Variants in SMCR8 observed in about 807,000 individuals in gnomAD.
SMCR8 encodes the protein SMCR8-C9orf72 complex subunit.
In SMCR8, 30 loss-of-function variants were observed where a neutral mutation model predicts 56.6. That is an observed-to-expected ratio of 0.53 (90% confidence interval 0.40 to 0.72). SMCR8 has a LOEUF of 0.72. SMCR8 is among the 30% of genes least tolerant of loss of function. SMCR8 has a pLI of 0.00. For missense variants in SMCR8, 1,198 were observed against 1,157.0 expected (o/e 1.04, Z -0.51); for synonymous variants, 538 against 456.0 (o/e 1.18, Z -2.29).
chr17:18,319,918 A>G (rs1224239710), intron 1 of SMCR8, among the ~76,000 whole-genome samples: 2 of 152,062 alleles, frequency 1.3e-5, no homozygotes, highest in Non-Finnish European at 2.9e-5. Context: ...ACAGGGTTTC[A>G]CCATGTTGGC....
rs1380234892 is a variant in SMCR8, at chr17:18,315,747, C to T, written c.-43C>T. ...TCTGCGCGTCGATTAACACCGCATT[C>T]TTTCCCACTTCCTCTCAATGTTTTC... On this transcript the variant is annotated 5_prime_UTR_variant, in exon 1 of 2. Coordinates refer to ENST00000406438, the MANE Select transcript of SMCR8 (RefSeq NM_144775.3). 6.5e-6 allele frequency: 10 copies of T among 1,528,716 alleles called. No individual in the cohort carries two copies. Among genetic ancestry groups the T allele is most frequent in the Non-Finnish European group, 8.8e-6 (10 of 1,133,326 alleles). The allele number at this position is 1,528,716 out of a possible 1,614,324, so 94.7% of individuals were successfully genotyped here.
rs142575235 is a variant in SMCR8 at position 18,326,256 on chromosome 17, C to G, written c.*3186C>G. 6.6e-6 allele frequency: 1 copy of G among 152,326 alleles called. No individual in the cohort carries two copies. The highest frequency in any genetic ancestry group is 1.5e-5 in the Non-Finnish European group (1 of 68,044). 9.4% of individuals were successfully genotyped at this position (152,326 alleles called of 1,614,324 possible). A position where few individuals can be genotyped will look rare whatever the true frequency, so the allele number is the denominator to read the frequency against. On this transcript the variant is annotated 3_prime_UTR_variant, in exon 2 of 2. Transcript: ENST00000406438. ...CTTGAGTTTTGTGTCAGCTTTTTCT[C>G]CAGTCCATTATCCCCCTCCCTTGCT...
At chr17:18,318,946 C>T (rs1258154934) in intron 1 of SMCR8, among the ~76,000 whole-genome samples, 1 of 152,218 alleles carries the variant, frequency 6.6e-6, no homozygotes, top group Non-Finnish European at 1.5e-5. Context: ...GTGCTGGGAG[C>T]ATCTGCCTCC....
At chr17:18,319,948 C>G (rs916075489) in intron 1 of SMCR8, among the ~76,000 whole-genome samples, 40 of 152,154 alleles carry the variant, frequency 2.6e-4, no homozygotes, top group Non-Finnish European at 4.6e-4. Context: ...CTCAAATGAT[C>G]GGCCCACCTC....
rs755759471 is a variant in SMCR8 at position 18,318,066 on chromosome 17, C to T, written c.2277C>T (p.Cys759=). Residue 759 remains cysteine (C), a synonymous_variant, in exon 1 of 2, where the codon TGC becomes TGT. Coordinates refer to ENST00000406438, the MANE Select transcript of SMCR8 (RefSeq NM_144775.3). ...CTATCTTTGTCCCCAGCTATGGCTG[C>T]TACGCTAAGCCCGTGAAACATTGGG... ...ALAIFVPSYG[C]YAKPVKHWAS... The T allele has an allele frequency of 3.1e-6, 5 of 1,614,212 alleles. No homozygotes were observed. The Admixed American group carries it at 5.0e-5, about 16-fold the overall frequency.
At chr17:18,321,573 C>T (rs535689527) in intron 1 of SMCR8, among the ~76,000 whole-genome samples, 1 of 152,392 alleles carries the variant, frequency 6.6e-6, no homozygotes, top group South Asian at 2.1e-4. Context: ...TGTACAGTGG[C>T]TCATGCCTGT....
In SMCR8 at chr17:18,315,889, C is replaced by G; in HGVS notation, c.100C>G (p.Leu34Val). Residue 34 changes from leucine to valine, a missense_variant, in exon 1 of 2, where the codon CTC becomes GTC. Transcript: ENST00000406438. Reference sequence around the variant, plus strand: ...CCTGCCTGAGGAGTACTCGGTGCCGCTCTTCCCCTTCGCCAGTCAGGGTGC... The same window carrying G: ...CCTGCCTGAGGAGTACTCGGTGCCGGTCTTCCCCTTCGCCAGTCAGGGTGC... The part of the protein sequence containing the change: ...PALPEEYSVP[L>V]FPFASQGANP... The G allele has an allele frequency of 1.2e-6, 2 of 1,614,196 alleles. No individual in the cohort carries two copies. The highest frequency in any genetic ancestry group is 1.7e-6 in the Non-Finnish European group (2 of 1,180,020).
In SMCR8 at chr17:18,323,165, T is replaced by A. The variant is rs965318938; in HGVS notation, c.*95T>A. 7 of 1,125,592 alleles carry A rather than the reference T, an allele frequency of 6.2e-6. No homozygotes were observed. In the African/African-American group the frequency reaches 7.8e-5, roughly 13 times the overall value. 69.7% of individuals were successfully genotyped at this position (1,125,592 alleles called of 1,614,324 possible). A position where few individuals can be genotyped will look rare whatever the true frequency, so the allele number is the denominator to read the frequency against. The stretch of plus-strand genomic sequence containing the variant: ...AAACAGTTGCCTGAGCTGGACTGTT[T>A]AAGTTTCTGGTGTCTGGCAGCATGG... On this transcript the variant is annotated 3_prime_UTR_variant, in exon 2 of 2. Transcript: ENST00000406438.
Position 18,324,286 on chromosome 17 carries a change from T to G in SMCR8, c.*1216T>G, listed in dbSNP as rs1982586687. 1 of 152,202 alleles carries G rather than the reference T, an allele frequency of 6.6e-6. No individual in the cohort carries two copies. The highest frequency in any genetic ancestry group is 2.1e-4 in the South Asian group (1 of 4,822). The allele number at this position is 152,202 out of a possible 1,614,324, so 9.4% of individuals were successfully genotyped here. A position where few individuals can be genotyped will look rare whatever the true frequency, so the allele number is the denominator to read the frequency against. On this transcript the variant is annotated 3_prime_UTR_variant, in exon 2 of 2. Coordinates refer to ENST00000406438, the MANE Select transcript of SMCR8 (RefSeq NM_144775.3). ...ACGGCCGTCCCCAGTTGAGTCCCCC[T>G]TCTGAGGACAAGTTTGAAACTGGGA...
chr17:18,320,022 C>A (rs1313926788), intron 1 of SMCR8, among the ~76,000 whole-genome samples: 1 of 152,200 alleles, frequency 6.6e-6, no homozygotes, highest in Non-Finnish European at 1.5e-5. Flanking sequence ...AAGTGAACAC[C>A]AGGGGTCATC....
chr17:18,320,035 A>C (rs1011374864), intron 1 of SMCR8, among the ~76,000 whole-genome samples: 1 of 152,184 alleles, frequency 6.6e-6, no homozygotes, highest in Non-Finnish European at 1.5e-5. Context: ...GGGTCATCCT[A>C]TTGCTTACTA....
rs760687586 is a variant in SMCR8, at chr17:18,317,593, G to T, written c.1804G>T (p.Ala602Ser). The change falls in exon 1 of 2, where the codon GCC becomes TCC. Residue 602 changes from alanine (A) to serine (S), a missense_variant. Transcript: ENST00000406438. ...TCAGTTGGTGCTGCCCTCCACTCCA[G>T]CCCACACACACTCTGACGAGGATGG... ...DGQLVLPSTP[A>S]HTHSDEDGVV... 1.1e-5 allele frequency: 18 copies of T among 1,614,048 alleles called. No individual in the cohort carries two copies. The Admixed American group carries it at 3.0e-4, about 27-fold the overall frequency.
intron 1 of SMCR8, among the ~76,000 whole-genome samples, chr17:18,319,426 G>A (rs1406225189): frequency 6.6e-6 from 1 of 152,196 alleles, no homozygotes; most frequent in Non-Finnish European, 1.5e-5. Context: ...ATCACGAGCA[G>A]GAGAGATGTC....
chr17:18,315,828 G>A lies in SMCR8; in HGVS notation c.39G>A (p.Glu13=), dbSNP rs768967325. The part of the protein sequence containing the change: ...SAPDVVAFTK[E]EEYEEEPYNE... ...CTGACGTAGTGGCCTTCACCAAAGA[G>A]GAAGAGTATGAAGAAGAGCCTTACA... The change falls in exon 1 of 2, where the codon GAG becomes GAA. Residue 13 remains glutamate, a synonymous_variant. Coordinates refer to ENST00000406438, the MANE Select transcript of SMCR8 (RefSeq NM_144775.3). The A allele has an allele frequency of 1.2e-6, 2 of 1,605,886 alleles. No homozygotes were observed. Among genetic ancestry groups the A allele is most frequent in the East Asian group, 4.5e-5 (2 of 44,634 alleles).
At chr17:18,320,985 C>T (rs1567760128) in intron 1 of SMCR8, among the ~76,000 whole-genome samples, 1 of 152,176 alleles carries the variant, frequency 6.6e-6, no homozygotes, top group Non-Finnish European at 1.5e-5. Flanking sequence ...GTGCACATTT[C>T]TTTTTTTCTC....
At chr17:18,320,275 G>A (rs1209198050) in intron 1 of SMCR8, among the ~76,000 whole-genome samples, 6 of 152,214 alleles carry the variant, frequency 3.9e-5, no homozygotes, top group Non-Finnish European at 5.9e-5. Context: ...TTGGGGTGCC[G>A]TGCGCTTGGG....
intron 1 of SMCR8, among the ~76,000 whole-genome samples, 160 bp from the exon 2 acceptor site, chr17:18,322,457 C>G (rs901634165): frequency 7.2e-5 from 11 of 152,170 alleles, no homozygotes; most frequent in African/African-American, 2.7e-4. Context: ...GGTGAGGAGC[C>G]CTTTGAAGAT....
rs1330439315 is a variant in SMCR8 at position 18,326,471 on chromosome 17, G to A, written c.*3401G>A. On this transcript the variant is annotated 3_prime_UTR_variant, in exon 2 of 2. Transcript: ENST00000406438. ...GAACCTTGGGATTTTAGAAATTGTG[G>A]CTTTTCCATAACTCATTTACTCCAA... 1 of 152,200 alleles carries A rather than the reference G, an allele frequency of 6.6e-6. No homozygotes were observed. The highest frequency in any genetic ancestry group is 1.5e-5 in the Non-Finnish European group (1 of 68,046). The allele number at this position is 152,200 out of a possible 1,614,324, so 9.4% of individuals were successfully genotyped here.
Position 18,315,758 on chromosome 17 carries a change from C to T in SMCR8, c.-32C>T. On this transcript the variant is annotated 5_prime_UTR_variant, in exon 1 of 2. Transcript: ENST00000406438. The stretch of plus-strand genomic sequence containing the variant: ...ATTAACACCGCATTCTTTCCCACTT[C>T]CTCTCAATGTTTTCTTCATATATCT... 1.9e-6 allele frequency: 3 copies of T among 1,541,622 alleles called. No homozygotes were observed. Among genetic ancestry groups the T allele is most frequent in the East Asian group, 2.3e-5 (1 of 44,102 alleles).
Sources: allele counts gnomAD v4.1 joint callset (sites outside exome capture counted in the v4.1 genomes callset), GRCh38; gene constraint gnomAD v4.1.1; transcripts MANE v1.5; gene names NCBI Gene and HGNC (gene_info 2026-07-23, HGNC 2026-07-21).